The following HLA-DQB1 variants were observed in gnomAD, a reference collection of about 807,000 sequenced individuals.
HLA-DQB1 encodes major histocompatibility complex, class II, DQ beta 1, also known as HLA class II histocompatibility antigen, DQ beta 1 chain.
A neutral mutation model predicts 26.4 loss-of-function variants in HLA-DQB1; 13 were observed. The ratio of observed to expected loss-of-function variants is 0.49; its 90% CI spans 0.32 to 0.78. HLA-DQB1 has a LOEUF of 0.78. Among genes scored for constraint, HLA-DQB1 ranks in the 30% least tolerant of loss-of-function variants. The pLI, the probability that HLA-DQB1 is intolerant of heterozygous loss-of-function variation, is 0.03. For synonymous variants in HLA-DQB1, 60 were observed against 129.1 expected (o/e 0.46, Z 3.63); for missense variants, 158 against 326.2 (o/e 0.48, Z 3.97).
intron 2 of HLA-DQB1, chr6:32,663,138 G>C (rs1198677426): frequency 1.3e-5 from 2 of 151,052 alleles, no homozygotes; most frequent in African/African-American, 4.9e-5. Context: ...CCTTCCTGGA[G>C]GCCAACTGAA....
At chr6:32,665,093 T>TGCGGCCCCGGC (rs1554169856) in intron 1 of HLA-DQB1, 26 bp from the exon 2 acceptor site, 1 of 1,111,688 alleles carries the variant, frequency 9.0e-7, no homozygotes, top group South Asian at 1.5e-5. Context: ...GGCCGGTCAG[T>TGCGGCCCCGGC]CAGGCCCCAG....
chr6:32,662,857 A>G (rs66615660), intron 2 of HLA-DQB1: 27,121 of 141,842 alleles, frequency 0.19, 3,000 homozygotes, highest in South Asian at 0.25. Context: ...AGTGAGTTTA[A>G]TTACTAGCTG....
chr6:32,660,017 C>A (rs1049123), exon 5 of HLA-DQB1: 6 of 317,690 alleles, frequency 1.9e-5, no homozygotes, highest in South Asian at 5.9e-5. Context: ...CGCAGCTGGC[C>A]ATGCACAGGC....
chr6:32,662,417 T>C (rs9274112), intron 2 of HLA-DQB1, 169 bp from the exon 3 acceptor site: 14,878 of 74,424 alleles, frequency 0.2, 4,470 homozygotes, highest in South Asian at 0.32. Context: ...CACTGAGAAT[T>C]CAAAGATAAA....
At chr6:32,665,372 G>C (rs281861799) in intron 1 of HLA-DQB1, among the ~76,000 whole-genome samples, 2 of 135,302 alleles carry the variant, frequency 1.5e-5, no homozygotes, top group African/African-American at 5.3e-5. Flanking sequence ...CACTTAGAGG[G>C]ATCAGGGCGT....
At chr6:32,666,219 C>T (rs281861088) in intron 1 of HLA-DQB1, among the ~76,000 whole-genome samples, 1 of 150,496 alleles carries the variant, frequency 6.6e-6, no homozygotes, top group Non-Finnish European at 1.5e-5. Flanking sequence ...ACCCCATGCT[C>T]ACTTTGTCCT....
intron 1 of HLA-DQB1, among the ~76,000 whole-genome samples, chr6:32,665,513 G>C (rs9274449): frequency 0.42 from 54,447 of 129,930 alleles, 15,388 homozygotes; most frequent in Middle Eastern, 0.59. Context: ...TCTGACACGC[G>C]TATTCTCTTG....
At chr6:32,665,996 C>T (rs281861265) in intron 1 of HLA-DQB1, among the ~76,000 whole-genome samples, 1 of 128,644 alleles carries the variant, frequency 7.8e-6, no homozygotes. Flanking sequence ...GTCAGCCAGT[C>T]AGCTTCCCTC....
chr6:32,662,941 TCCA>T lies in HLA-DQB1; in HGVS notation c.380-696_380-694del, dbSNP rs1328452659. On this transcript the variant is annotated intron_variant, in intron 2 of 4. Transcript: ENST00000434651. ...AAATCAGACATTATCGTGTATGTTCTCCACAGAAAATATTCTGAGATCCGTGCA... is the reference window on the plus strand; with the variant it reads ...AAATCAGACATTATCGTGTATGTTCTCAGAAAATATTCTGAGATCCGTGCA... 1.7e-4 allele frequency: 23 copies of T among 138,480 alleles called. 1 individual carries two copies. Among genetic ancestry groups the T allele is most frequent in the African/African-American group, 6.1e-4 (23 of 37,444 alleles). 8.6% of individuals were successfully genotyped at this position (138,480 alleles called of 1,614,324 possible).
intron 3 of HLA-DQB1, 152 bp downstream of exon 3, chr6:32,661,815 T>A: frequency 1.5e-6 from 1 of 655,644 alleles, no homozygotes; most frequent in Non-Finnish European, 2.6e-6. Flanking sequence ...CCAGGATTCT[T>A]CTGATGCACT....
At chr6:32,661,504 C>A (rs9273695) in intron 3 of HLA-DQB1, 47 bp from the exon 4 acceptor site, 1 of 1,020,380 alleles carries the variant, frequency 9.8e-7, no homozygotes, top group Non-Finnish European at 1.4e-6. Flanking sequence ...CACCCCATAG[C>A]ATCCCTGCTG....
chr6:32,661,234 C>CAG, intron 4 of HLA-DQB1, 113 bp downstream of exon 4: 1 of 496,218 alleles, frequency 2.0e-6, no homozygotes, highest in Non-Finnish European at 3.4e-6. Context: ...TGTCCTGTCT[C>CAG]CTCGCACTTC....
chr6:32,661,908 G>A (rs117780937), intron 3 of HLA-DQB1, 59 bp downstream of exon 3: 25,629 of 1,138,138 alleles, frequency 0.023, 1,816 homozygotes, highest in East Asian at 0.16. Context: ...GAAGGAATGG[G>A]TCAGAAGGAG....
At chr6:32,659,967 GGAA>G (rs1219888507) in exon 5 of HLA-DQB1, 1 of 264,304 alleles carries the variant, frequency 3.8e-6, no homozygotes, top group Non-Finnish European at 7.2e-6. Flanking sequence ...AGCAGTCTGA[GGAA>G]AGAATAGAAA....
intron 3 of HLA-DQB1, 137 bp downstream of exon 3, chr6:32,661,830 A>T: frequency 1.4e-6 from 1 of 722,252 alleles, no homozygotes; most frequent in Non-Finnish European, 2.3e-6. Context: ...TGCACTTGCC[A>T]TGGAGCAAGA....
intron 4 of HLA-DQB1, chr6:32,660,888 A>G: frequency 6.6e-7 from 1 of 1,520,792 alleles, no homozygotes. Flanking sequence ...AGGTCTTACA[A>G]AAGGAAGTTA....
At chr6:32,660,631 G>A (rs1782890228) in intron 4 of HLA-DQB1, 3 of 428,292 alleles carry the variant, frequency 7.0e-6, no homozygotes, top group Admixed American at 4.0e-5. Flanking sequence ...CATTTAAGCT[G>A]TGGTTCTGGC....
chr6:32,660,682 G>C, intron 4 of HLA-DQB1: 1 of 441,230 alleles, frequency 2.3e-6, no homozygotes, highest in South Asian at 2.7e-5. Flanking sequence ...TTAAGGCTTG[G>C]TTCTGGGGAA....
intron 2 of HLA-DQB1, chr6:32,662,601 TG>T (rs869062254): frequency 3.2e-5 from 1 of 31,476 alleles, no homozygotes. Flanking sequence ...AAATAACCCT[TG>T]ATCAAACATC....
Sources: gnomAD v4.1 joint callset for allele counts (sites outside exome capture counted in the v4.1 genomes callset) on GRCh38, gnomAD v4.1.1 for gene constraint, MANE v1.5 for transcripts, NCBI Gene and HGNC (gene_info 2026-07-23, HGNC 2026-07-21) for gene names.